CLIP2: variants seen among roughly 807,000 people sequenced by gnomAD.
CLIP2 encodes CAP-Gly domain containing linker protein 2.
Under a neutral mutation model 111.7 loss-of-function variants are expected in CLIP2, and 41 were observed. That is an observed-to-expected ratio of 0.37 (90% CI 0.29 to 0.48). The LOEUF is 0.48. CLIP2 is among the 20% of genes least tolerant of loss of function. The probability of loss-of-function intolerance (pLI) is 0.99; values close to 1 mark genes in which losing one functional copy is unlikely to be tolerated. For missense variants in CLIP2, 1,160 were observed against 1,422.1 expected (o/e 0.82, Z 2.96); for synonymous variants, 660 against 644.2 (o/e 1.02, Z -0.37).
intron 14 of CLIP2, among the ~76,000 whole-genome samples, chr7:74,398,629 C>T (rs1366594400): frequency 6.6e-6 from 1 of 152,226 alleles, no homozygotes. Context: ...TCAGCGCCAC[C>T]GACCCCCTAT....
intron 1 of CLIP2, among the ~76,000 whole-genome samples, chr7:74,293,649 T>C (rs1490408601): frequency 1.3e-5 from 2 of 152,292 alleles, no homozygotes; most frequent in East Asian, 3.9e-4. Flanking sequence ...CCAGCAAATC[T>C]GGGCATTCAG....
At chr7:74,297,276 C>T (rs1788196656) in intron 1 of CLIP2, among the ~76,000 whole-genome samples, 1 of 152,044 alleles carries the variant, frequency 6.6e-6, no homozygotes, top group South Asian at 2.1e-4. Flanking sequence ...AGCTTGAGAC[C>T]AGCCTGGGCA....
chr7:74,401,463 T>C, intron 15 of CLIP2, 42 bp from the exon 16 acceptor site: 1 of 1,601,280 alleles, frequency 6.2e-7, no homozygotes, highest in Non-Finnish European at 8.5e-7. Flanking sequence ...CGGGAACTGC[T>C]GCCTGGTGCA....
At chr7:74,316,982 C>A (rs1005044152) in intron 1 of CLIP2, among the ~76,000 whole-genome samples, 2 of 152,012 alleles carry the variant, frequency 1.3e-5, no homozygotes, top group African/African-American at 4.8e-5. Flanking sequence ...TGGGCTCAAG[C>A]GATCCACCAG....
chr7:74,339,459 C>T (rs1554732938), intron 3 of CLIP2, among the ~76,000 whole-genome samples: 1 of 152,012 alleles, frequency 6.6e-6, no homozygotes, highest in African/African-American at 2.4e-5. Flanking sequence ...GCATGTGCCA[C>T]CACGCCCGGC....
intron 4 of CLIP2, among the ~76,000 whole-genome samples, chr7:74,354,366 C>G (rs547206632): frequency 9.2e-5 from 14 of 152,246 alleles, no homozygotes; most frequent in Non-Finnish European, 1.9e-4. Context: ...GTAATCCCAG[C>G]CTTTTGGGAG....
intron 1 of CLIP2, among the ~76,000 whole-genome samples, chr7:74,300,541 C>T (rs545595501): frequency 5.3e-5 from 8 of 151,842 alleles, no homozygotes; most frequent in Admixed American, 6.6e-5. Flanking sequence ...TTGCAAACTC[C>T]GCCTCCCAGG....
rs1204464818 is a variant in CLIP2 at position 74,404,468 on chromosome 7, C to G, written c.*620C>G. On this transcript the variant is annotated 3_prime_UTR_variant, in exon 17 of 17. Transcript: ENST00000223398. ...GAGGCCCCCAGGTTCAAGGTGTTGG[C>G]GGGGGCGGAGGGCAGGGGAACGGGA... 1 of 155,222 alleles carries G rather than the reference C, an allele frequency of 6.4e-6. No homozygotes were observed. Among genetic ancestry groups the G allele is most frequent in the African/African-American group, 2.4e-5 (1 of 41,450 alleles). 9.6% of individuals were successfully genotyped at this position (155,222 alleles called of 1,614,324 possible).
At position 74,397,123 on chromosome 7, in the gene CLIP2, C is replaced by T. The variant is rs1791474861; in HGVS notation, c.2770C>T (p.Pro924Ser). Residue 924 changes from proline to serine, a missense_variant, in exon 14 of 17, where the codon CCA (proline) becomes TCA (serine). By Grantham distance (74) the Pro-to-Ser change is moderately conservative (BLOSUM62 -1). This residue lies in a region of CLIP2 where 676 missense variants were observed against 777.8 expected (regional missense o/e 0.87). Coordinates refer to ENST00000223398, the MANE Select transcript of CLIP2 (RefSeq NM_003388.5). ...VLLLEANRHSPGPERDLSREV... is the reference protein window; with the variant it reads ...VLLLEANRHSSGPERDLSREV... ...GCTGCTGGAGGCCAATCGTCACTCC[C>T]CAGGGCCGGAGAGGGACCTGAGCCG... is the stretch of plus-strand genomic sequence containing the variant. 1 of 1,613,870 alleles carries T rather than the reference C, an allele frequency of 6.2e-7. No homozygotes were observed. Among genetic ancestry groups the T allele is most frequent in the Non-Finnish European group, 8.5e-7 (1 of 1,179,964 alleles).
intron 1 of CLIP2, among the ~76,000 whole-genome samples, chr7:74,301,059 G>A (rs1337554017): frequency 1.8e-4 from 28 of 152,114 alleles, no homozygotes; most frequent in Admixed American, 1.6e-3. Flanking sequence ...CAGTGTATAC[G>A]CGTTCCCTTT....
chr7:74,349,229 G>A (rs1333835452), intron 3 of CLIP2, among the ~76,000 whole-genome samples: 2 of 151,586 alleles, frequency 1.3e-5, no homozygotes, highest in African/African-American at 2.4e-5. Flanking sequence ...TCAAGAGACC[G>A]AGACCATCTT....
chr7:74,314,654 T>C (rs1427023099), intron 1 of CLIP2, among the ~76,000 whole-genome samples: 2 of 152,220 alleles, frequency 1.3e-5, no homozygotes, highest in African/African-American at 4.8e-5. Flanking sequence ...CATCCGACTA[T>C]GGTGCTCTGA....
rs1240931840 is a variant in CLIP2, at chr7:74,372,940, G to T, written c.1389G>T (p.Thr463=). The change falls in exon 9 of 17, where the codon ACG becomes ACT. Residue 463 remains threonine, a synonymous_variant. Coordinates refer to ENST00000223398, the MANE Select transcript of CLIP2 (RefSeq NM_003388.5). ...CACCCTGGGTGGACCAGACCCAGAC[G>T]CAGCTGGAGCACGCGCGCATTGGGG... The part of the protein sequence containing the change: ...SITKGDLETQ[T]QLEHARIGEL... 4.6e-6 allele frequency: 6 copies of T among 1,317,640 alleles called. No homozygotes were observed. The highest frequency in any genetic ancestry group is 5.9e-6 in the Non-Finnish European group (6 of 1,012,208). 81.6% of individuals were successfully genotyped at this position (1,317,640 alleles called of 1,614,324 possible).
chr7:74,401,434 C>T (rs901517361), intron 15 of CLIP2, 71 bp from the exon 16 acceptor site: 6 of 1,464,646 alleles, frequency 4.1e-6, no homozygotes, highest in East Asian at 2.3e-5. Flanking sequence ...GGGAAGACCT[C>T]GCCATCTAGT....
chr7:74,319,710 A>G (rs1554729731), intron 2 of CLIP2, among the ~76,000 whole-genome samples: 2 of 151,758 alleles, frequency 1.3e-5, no homozygotes, highest in African/African-American at 4.8e-5. Flanking sequence ...AGTCCCAAGT[A>G]CTCAGGAGGG....
intron 4 of CLIP2, 36 bp from the exon 5 acceptor site, chr7:74,356,374 C>G (rs782691722): frequency 1.4e-5 from 22 of 1,583,076 alleles, no homozygotes; most frequent in Middle Eastern, 1.7e-4. Context: ...GGCTTTGGGG[C>G]CGTGACAGCA....
rs1554318189 is a variant in CLIP2, at chr7:74,404,154, G to A, written c.*306G>A. 2 of 421,868 alleles carry A rather than the reference G, an allele frequency of 4.7e-6. No homozygotes were observed. Among genetic ancestry groups the A allele is most frequent in the Non-Finnish European group, 8.9e-6 (2 of 224,944 alleles). The allele number at this position is 421,868 out of a possible 1,614,324, so 26.1% of individuals were successfully genotyped here. On this transcript the variant is annotated 3_prime_UTR_variant, in exon 17 of 17. Transcript: ENST00000223398. ...GTGGAGGCAGAGGGGATCCGGCCAG[G>A]CCCCTCTGTCCAGAAGGAGCTGCCC...
intron 2 of CLIP2, among the ~76,000 whole-genome samples, chr7:74,337,508 G>A (rs111567095): frequency 4.6e-5 from 7 of 151,482 alleles, no homozygotes; most frequent in African/African-American, 1.5e-4. Flanking sequence ...CCCACCTGGT[G>A]GGGGGGTGGC....
At chr7:74,320,195 C>CAAAAAAAAAA (rs34079690) in intron 2 of CLIP2, among the ~76,000 whole-genome samples, 3 of 99,256 alleles carry the variant, frequency 3.0e-5, no homozygotes, top group Admixed American at 1.1e-4. Context: ...GATTCCATCT[C>CAAAAAAAAAA]AAAAAAAAAA....
Sources: gnomAD v4.1 joint callset for allele counts (sites outside exome capture counted in the v4.1 genomes callset) on GRCh38, gnomAD v4.1.1 for gene constraint, gnomAD v4.1.1 regional missense constraint, MANE v1.5 for transcripts, NCBI Gene and HGNC (gene_info 2026-07-23, HGNC 2026-07-21) for gene names.